The following TM2D3 variants were observed in gnomAD, a reference collection of about 807,000 sequenced individuals.
The protein encoded by TM2D3 is TM2 domain-containing protein 3.
TM2D3 carries 33 observed loss-of-function variants against 27.3 expected under a neutral mutation model. That is an observed-to-expected ratio of 1.21 (90% CI 0.92 to 1.61). The LOEUF (loss-of-function observed/expected upper bound fraction) is 1.61. Among genes scored for constraint, TM2D3 ranks in the 40% most tolerant of loss-of-function variants. The pLI, the probability that TM2D3 is intolerant of heterozygous loss-of-function variation, is 0.00. For missense variants in TM2D3, 364 were observed against 320.8 expected, an observed-to-expected ratio of 1.13 and a Z score of -1.03; for synonymous variants, 138 against 122.2, an observed-to-expected ratio of 1.13 and a Z score of -0.85.
At chr15:101,652,066 G>T in intron 1 of TM2D3, 2 of 560,520 alleles carry the variant, frequency 3.6e-6, no homozygotes, top group Non-Finnish European at 6.1e-6. Flanking sequence ...CCGCGATGGC[G>T]GGCTCGGTGT....
Position 101,641,855 on chromosome 15 carries a change from A to C in TM2D3, c.*624T>G, listed in dbSNP as rs1454574874. The stretch of plus-strand genomic sequence containing the variant: ...GAAAACAGGCCCACAGTATTTCTTA[A>C]CTTGCAATTTTATTAATTTTTCAGT... On this transcript the variant is annotated 3_prime_UTR_variant, in exon 6 of 6. Coordinates refer to ENST00000333202, the MANE Select transcript of TM2D3 (RefSeq NM_078474.3). 1 of 907,340 alleles carries C rather than the reference A, an allele frequency of 1.1e-6. No homozygotes were observed. The highest frequency in any genetic ancestry group is 1.3e-6 in the Non-Finnish European group (1 of 758,746). 56.2% of individuals were successfully genotyped at this position (907,340 alleles called of 1,614,324 possible).
At position 101,646,775 on chromosome 15, in the gene TM2D3, C is replaced by G. The variant is rs1010335142; in HGVS notation, c.452G>C (p.Arg151Pro). 1.2e-6 allele frequency: 2 copies of G among 1,614,182 alleles called. No individual in the cohort carries two copies. Among genetic ancestry groups the G allele is most frequent in the East Asian group, 2.2e-5 (1 of 44,884 alleles). ...STSCMTVSCP[R>P]QRYPANCTVR... is the part of the protein sequence containing the mutation. Reference sequence around the variant, plus strand: ...CGTGCAGTTGGCAGGGTAGCGCTGCCGAGGACAGGACACCGTCATGCAGCT... The same window carrying G: ...CGTGCAGTTGGCAGGGTAGCGCTGCGGAGGACAGGACACCGTCATGCAGCT... Residue 151 changes from arginine to proline, a missense_variant, in exon 4 of 6, where the codon CGG (arginine) becomes CCG (proline). Transcript: ENST00000333202.
intron 2 of TM2D3, 114 bp downstream of exon 2, chr15:101,651,582 T>C (rs1020163954): frequency 9.5e-6 from 10 of 1,054,856 alleles, no homozygotes; most frequent in Admixed American, 8.7e-5. Flanking sequence ...TAAAATACAA[T>C]AAATATTCAA....
chr15:101,652,175 G>C, intron 1 of TM2D3, 96 bp downstream of exon 1: 1 of 1,170,230 alleles, frequency 8.5e-7, no homozygotes, highest in Non-Finnish European at 1.2e-6. Flanking sequence ...CCTCCTCCCC[G>C]CGTCAGCGTC....
chr15:101,643,599 TAAAAAAAAAA>T (rs1158728522), intron 5 of TM2D3, among the ~76,000 whole-genome samples: 1 of 47,342 alleles, frequency 2.1e-5, no homozygotes, highest in African/African-American at 7.9e-5. Flanking sequence ...GAGACTCCGT[TAAAAAAAAAA>T]AAAAAAAAAA....
chr15:101,647,790 T>G (rs562058697), intron 3 of TM2D3, among the ~76,000 whole-genome samples: 33 of 152,308 alleles, frequency 2.2e-4, no homozygotes, highest in Admixed American at 9.8e-4. Context: ...TTACTCTACC[T>G]GACATTACAT....
intron 1 of TM2D3, 56 bp downstream of exon 1, chr15:101,652,215 C>T (rs3743188): frequency 0.3 from 453,339 of 1,503,580 alleles, 70,263 homozygotes; most frequent in African/African-American, 0.45. Flanking sequence ...CTCGCAGCTC[C>T]CGGGGCCCTG....
At chr15:101,638,572 G>C (rs964044399), downstream of TM2D3, among the ~76,000 whole-genome samples, 1 of 152,102 alleles carries the variant, frequency 6.6e-6, no homozygotes, top group African/African-American at 2.4e-5. Context: ...TGCTGGGATT[G>C]CAGGTGTGAG....
intron 4 of TM2D3, chr15:101,636,416 T>C (rs1165765849): frequency 6.6e-6 from 1 of 152,242 alleles, no homozygotes; most frequent in Non-Finnish European, 1.5e-5. Flanking sequence ...GTAAGCTGGT[T>C]TGAAACAAAA....
chr15:101,635,583 C>G (rs1411572450), intron 4 of TM2D3: 1 of 152,114 alleles, frequency 6.6e-6, no homozygotes, highest in Admixed American at 6.5e-5. Context: ...AGCATCTATT[C>G]CAGTGTGGAC....
chr15:101,643,930 G>GCCT, intron 5 of TM2D3, among the ~76,000 whole-genome samples: 1 of 152,102 alleles, frequency 6.6e-6, no homozygotes, highest in East Asian at 1.9e-4. Context: ...GCTCACTGCA[G>GCCT]CCTCCTCCTC....
intron 5 of TM2D3, among the ~76,000 whole-genome samples, chr15:101,644,700 G>C (rs1896758957): frequency 6.6e-6 from 1 of 152,134 alleles, no homozygotes; most frequent in African/African-American, 2.4e-5. Flanking sequence ...TGAAATTATA[G>C]GTAATTTTTA....
intron 1 of TM2D3, chr15:101,652,020 C>T (rs1300501989): frequency 3.4e-6 from 2 of 581,220 alleles, no homozygotes; most frequent in Non-Finnish European, 6.0e-6. Flanking sequence ...CCGGCCCAGC[C>T]CCCAAGCGCT....
rs1404640192 is a variant in TM2D3, at chr15:101,643,583, CAG to C, written c.579-941_579-940del. ...AGCCACTGCACTCCAGCCTGGGTGA[CAG>C]AGAGAGACTCCGTTAAAAAAAAAAA... On this transcript the variant is annotated intron_variant, in intron 5 of 5. Coordinates refer to ENST00000333202, the MANE Select transcript of TM2D3 (RefSeq NM_078474.3). 7.0e-3 allele frequency among the ~76,000 whole-genome samples: 769 copies of C among 109,954 alleles called. 11 individuals are homozygous for C. The highest frequency in any genetic ancestry group is 0.026 in the African/African-American group (713 of 27,898). The allele number at this position is 109,954 out of a possible 152,430, so 72.1% of individuals were successfully genotyped here. A position where few individuals can be genotyped will look rare whatever the true frequency, so the allele number is the denominator to read the frequency against.
exon 5 of TM2D3, chr15:101,633,114 G>C (rs951379099): frequency 1.3e-5 from 2 of 152,182 alleles, no homozygotes; most frequent in African/African-American, 4.8e-5. Flanking sequence ...GATATTCTCA[G>C]ATGAAGAAAA....
In TM2D3 at chr15:101,646,714, C is replaced by T. The variant is rs757550832; in HGVS notation, c.502+11G>A. 6.2e-7 allele frequency: 1 copy of T among 1,613,982 alleles called. No homozygotes were observed. Among genetic ancestry groups the T allele is most frequent in the African/African-American group, 1.3e-5 (1 of 74,898 alleles). On this transcript the variant is annotated intron_variant, in intron 4 of 5. Transcript: ENST00000333202. Reference sequence around the variant, plus strand: ...CATTTTGTTGACAAATGTCCTTGAACTCTGACCTACCCAAGCAGTGGACGT... The same window carrying T: ...CATTTTGTTGACAAATGTCCTTGAATTCTGACCTACCCAAGCAGTGGACGT...
intron 2 of TM2D3, 65 bp from the exon 3 acceptor site, chr15:101,650,226 T>G (rs1896933502): frequency 1.3e-6 from 2 of 1,523,702 alleles, no homozygotes; most frequent in African/African-American, 2.8e-5. Flanking sequence ...AGAACAATCT[T>G]CTAAGGTTAA....
downstream of TM2D3, among the ~76,000 whole-genome samples, chr15:101,637,991 T>C (rs1896584937): frequency 6.6e-6 from 1 of 152,218 alleles, no homozygotes; most frequent in South Asian, 2.1e-4. Flanking sequence ...GCTGAGACTA[T>C]ATCTTTGCTA....
At chr15:101,652,013 G>A (rs563288527) in intron 1 of TM2D3, 4 of 583,498 alleles carry the variant, frequency 6.9e-6, no homozygotes, top group South Asian at 6.3e-5. Flanking sequence ...CGCCTCCCCG[G>A]CCCAGCCCCC....
Sources: gnomAD v4.1 joint callset for allele counts (sites outside exome capture counted in the v4.1 genomes callset) on GRCh38, gnomAD v4.1.1 for gene constraint, MANE v1.5 for transcripts, NCBI Gene and HGNC (gene_info 2026-07-23, HGNC 2026-07-21) for gene names.